The following FAM107B variants were observed in gnomAD, a reference collection of about 807,000 sequenced individuals.
The protein encoded by FAM107B is protein FAM107B.
FAM107B carries 21 observed loss-of-function variants against 31.5 expected under a neutral mutation model. The ratio of observed to expected loss-of-function variants is 0.67; its 90% confidence interval spans 0.47 to 0.96. FAM107B has a LOEUF of 0.96. Among genes scored for constraint, FAM107B ranks in the 40% least tolerant of loss-of-function variants. The probability of loss-of-function intolerance (pLI) is 0.00; values close to 1 mark genes in which losing one functional copy is unlikely to be tolerated. For synonymous variants in FAM107B, 157 were observed against 141.5 expected, an observed-to-expected ratio of 1.11 and a Z score of -0.78; for missense variants, 452 against 377.1, an observed-to-expected ratio of 1.20 and a Z score of -1.64.
At chr10:14,685,331 T>G (rs1009524135) in intron 1 of FAM107B, among the ~76,000 whole-genome samples, 14 of 151,996 alleles carry the variant, frequency 9.2e-5, no homozygotes, top group African/African-American at 3.4e-4. Flanking sequence ...AAATTTTTGG[T>G]AGAGACGAGG....
intron 2 of FAM107B, among the ~76,000 whole-genome samples, chr10:14,632,241 T>C (rs1324946389): frequency 7.2e-6 from 1 of 138,972 alleles, no homozygotes; most frequent in African/African-American, 2.8e-5. Context: ...GAGGTTTCAG[T>C]GAGTGGAGAT....
intron 1 of FAM107B, among the ~76,000 whole-genome samples, chr10:14,687,286 G>A (rs1357696097): frequency 6.6e-6 from 1 of 152,164 alleles, no homozygotes; most frequent in Non-Finnish European, 1.5e-5. Context: ...ACAAAACGGA[G>A]AGAACAAGAG....
At chr10:14,551,441 G>A (rs902362575) in intron 2 of FAM107B, among the ~76,000 whole-genome samples, 2 of 152,080 alleles carry the variant, frequency 1.3e-5, no homozygotes, top group African/African-American at 2.4e-5. Context: ...CACCTCACCC[G>A]GCCGATAATC....
At chr10:14,650,164 C>T (rs1164677109) in intron 2 of FAM107B, among the ~76,000 whole-genome samples, 1 of 152,058 alleles carries the variant, frequency 6.6e-6, no homozygotes, top group Non-Finnish European at 1.5e-5. Context: ...AGCCTCTTCA[C>T]CTGCATTATT....
intron 2 of FAM107B, among the ~76,000 whole-genome samples, chr10:14,662,253 G>A (rs72770518): frequency 2.6e-5 from 4 of 152,042 alleles, no homozygotes; most frequent in East Asian, 1.9e-4. Flanking sequence ...GCACACAGTC[G>A]AACGGAGTCT....
intron 2 of FAM107B, among the ~76,000 whole-genome samples, chr10:14,568,407 TG>T: frequency 1.1e-4 from 1 of 9,512 alleles, no homozygotes; most frequent in Non-Finnish European, 3.9e-4. Flanking sequence ...GAAGGCTGGC[TG>T]ATGATCCCAG....
chr10:14,764,570 A>G (rs895664364), intron 1 of FAM107B, among the ~76,000 whole-genome samples: 22 of 152,216 alleles, frequency 1.4e-4, no homozygotes, highest in African/African-American at 5.3e-4. Flanking sequence ...CCAAGTGTCA[A>G]TCTTATATTG....
rs564866781 is a variant in FAM107B, at chr10:14,520,867, T to C, written c.*323A>G. 3.6e-5 allele frequency: 9 copies of C among 251,030 alleles called. No homozygotes were observed. In the South Asian group the frequency reaches 5.0e-4, roughly 14 times the overall value. 15.6% of individuals were successfully genotyped at this position (251,030 alleles called of 1,614,324 possible). On this transcript the variant is annotated 3_prime_UTR_variant, in exon 5 of 5. Coordinates refer to ENST00000181796, the MANE Select transcript of FAM107B (RefSeq NM_031453.4). ...TTGGAATGGAAGAAAAACCAAGTAG[T>C]GCAACTCTCAAGAATTGATTCCAGT...
chr10:14,723,959 G>C (rs1855972344), intron 1 of FAM107B: 1 of 748,952 alleles, frequency 1.3e-6, no homozygotes. Context: ...TGTTCCATTT[G>C]GAAGTCAAGG....
At chr10:14,592,765 G>C (rs1852062866) in intron 2 of FAM107B, among the ~76,000 whole-genome samples, 1 of 152,208 alleles carries the variant, frequency 6.6e-6, no homozygotes, top group Admixed American at 6.5e-5. Flanking sequence ...ACTGGGGCCT[G>C]CTTCTAACTC....
intron 1 of FAM107B, among the ~76,000 whole-genome samples, chr10:14,707,995 C>T (rs1855558691): frequency 6.6e-6 from 1 of 152,164 alleles, no homozygotes. Flanking sequence ...CCAAATTGTC[C>T]TAACAATTAT....
In FAM107B at chr10:14,715,997, A is replaced by G. The variant is rs528958917; in HGVS notation, c.412-48306T>C. ...TCCCTCCTTATAAATCTACATTTAT[A>G]TAGACATAGGAGTCTCCAGAGAAAT... On this transcript the variant is annotated intron_variant, in intron 1 of 4. Transcript: ENST00000181796. Among the ~76,000 whole-genome samples, 4 of 152,328 alleles carry G rather than the reference A, an allele frequency of 2.6e-5. No individual in the cohort carries two copies. In the South Asian group the frequency reaches 6.2e-4, roughly 24 times the overall value.
At chr10:14,528,894 T>A (rs1011771467) in intron 3 of FAM107B, among the ~76,000 whole-genome samples, 3 of 152,244 alleles carry the variant, frequency 2.0e-5, no homozygotes, top group Non-Finnish European at 4.4e-5. Context: ...TTGGTTTTAC[T>A]CTGACCTTTA....
chr10:14,709,330 T>C (rs1236213270), intron 1 of FAM107B, among the ~76,000 whole-genome samples: 4 of 152,156 alleles, frequency 2.6e-5, no homozygotes, highest in African/African-American at 9.7e-5. Flanking sequence ...ACTGGGCAAT[T>C]TACAAAAGAA....
intron 1 of FAM107B, among the ~76,000 whole-genome samples, chr10:14,721,160 CA>C (rs1183461231): frequency 6.6e-6 from 1 of 152,194 alleles, no homozygotes; most frequent in Admixed American, 6.5e-5. Context: ...CATGTCCCTA[CA>C]AAGGACATGA....
At chr10:14,603,226 A>T (rs530051326) in intron 2 of FAM107B, among the ~76,000 whole-genome samples, 3 of 152,298 alleles carry the variant, frequency 2.0e-5, no homozygotes, top group Admixed American at 6.5e-5. Flanking sequence ...GGTAGCCCAG[A>T]CACTATTTCA....
chr10:14,772,620 G>A (rs1344291729), intron 1 of FAM107B, among the ~76,000 whole-genome samples: 1 of 152,046 alleles, frequency 6.6e-6, no homozygotes, highest in Non-Finnish European at 1.5e-5. Context: ...CGCGTGTCCT[G>A]CCTCATGGAG....
intron 2 of FAM107B, among the ~76,000 whole-genome samples, chr10:14,639,950 T>A (rs1853590305): frequency 6.6e-6 from 1 of 152,168 alleles, no homozygotes; most frequent in South Asian, 2.1e-4. Flanking sequence ...GAAATTGCCT[T>A]CTCTATGAAA....
At chr10:14,612,831 G>C (rs1467995689) in intron 2 of FAM107B, among the ~76,000 whole-genome samples, 3 of 152,080 alleles carry the variant, frequency 2.0e-5, no homozygotes, top group African/African-American at 7.2e-5. Context: ...AGACATAACT[G>C]TAGATACCCC....
Sources: gnomAD v4.1 joint callset for allele counts (sites outside exome capture counted in the v4.1 genomes callset) on GRCh38, gnomAD v4.1.1 for gene constraint, MANE v1.5 for transcripts, NCBI Gene and HGNC (gene_info 2026-07-23, HGNC 2026-07-21) for gene names.